The following SMOC2 variants were observed in gnomAD, a reference collection of about 807,000 sequenced individuals.
The protein encoded by SMOC2 is SPARC related modular calcium binding 2.
In SMOC2, 39 loss-of-function variants were observed where a neutral mutation model predicts 61.4. The ratio of observed to expected loss-of-function variants is 0.64; its 90% CI spans 0.49 to 0.83. The LOEUF is 0.83. Among genes scored for constraint, SMOC2 ranks in the 40% least tolerant of loss-of-function variants. The pLI is 0.00. For missense variants in SMOC2, 556 were observed against 592.9 expected, an observed-to-expected ratio of 0.94 and a Z score of 0.65; for synonymous variants, 247 against 239.9, an observed-to-expected ratio of 1.03 and a Z score of -0.27.
chr6:168,538,544 C>G (rs1368782503), intron 4 of SMOC2, among the ~76,000 whole-genome samples: 1 of 115,160 alleles, frequency 8.7e-6, no homozygotes, highest in East Asian at 2.7e-4. Context: ...GTGGGGTGAC[C>G]GCTGCTGGAA....
rs549443726 is a variant in SMOC2, at chr6:168,535,063, G to A, written c.463+7336G>A. Among the ~76,000 whole-genome samples the A allele has an allele frequency of 3.3e-5, 5 of 152,074 alleles. No individual in the cohort carries two copies. The highest frequency in any genetic ancestry group is 9.6e-5 in the African/African-American group (4 of 41,488). ...TCGGCTCACTGCAACCTCCGCCTCC[G>A]GGGTTCAAGCGATTCTCCTGCCTCT... is the stretch of plus-strand genomic sequence containing the variant. On this transcript the variant is annotated intron_variant, in intron 4 of 12. Coordinates refer to ENST00000356284, the MANE Select transcript of SMOC2 (RefSeq NM_001166412.2). This position sits in a 1 kb window ranked among gnomAD's most constrained non-coding sequence, Gnocchi z 4.6.
intron 1 of SMOC2, among the ~76,000 whole-genome samples, chr6:168,501,729 T>A (rs1415477062): frequency 6.6e-6 from 1 of 152,252 alleles, no homozygotes; most frequent in Non-Finnish European, 1.5e-5. Flanking sequence ...TGCTTTCCTC[T>A]GGGATCTCCG....
chr6:168,468,970 G>T (rs1364366378), intron 1 of SMOC2, among the ~76,000 whole-genome samples: 1 of 152,218 alleles, frequency 6.6e-6, no homozygotes, highest in East Asian at 1.9e-4. Flanking sequence ...GAAGCAGCAC[G>T]CATACAGACA....
rs1014917556 is a variant in SMOC2, at chr6:168,608,131, T to C, written c.825-26T>C. 3.8e-6 allele frequency: 6 copies of C among 1,594,404 alleles called. No individual in the cohort carries two copies. In the African/African-American group the frequency reaches 8.1e-5, roughly 22 times the overall value. On this transcript the variant is annotated intron_variant, in intron 8 of 12. Coordinates refer to ENST00000356284, the MANE Select transcript of SMOC2 (RefSeq NM_001166412.2). Reference sequence around the variant, plus strand: ...CTCAAGCCCGTTGTTTTCTCTCTCCTTCCCCCGCCTTCCCCCCGCCCATAG... The same window carrying C: ...CTCAAGCCCGTTGTTTTCTCTCTCCCTCCCCCGCCTTCCCCCCGCCCATAG...
chr6:168,624,493 G>A (rs958237019), intron 9 of SMOC2, among the ~76,000 whole-genome samples: 2 of 152,162 alleles, frequency 1.3e-5, no homozygotes, highest in Non-Finnish European at 2.9e-5. Context: ...ATGTAATGGA[G>A]CACAAAGACA....
chr6:168,607,063 C>T (rs1785712867), intron 8 of SMOC2, among the ~76,000 whole-genome samples: 1 of 152,070 alleles, frequency 6.6e-6, no homozygotes, highest in South Asian at 2.1e-4. Context: ...TGTGCTGACC[C>T]AGGAATCTCC....
chr6:168,607,691 A>T lies in SMOC2; in HGVS notation c.825-466A>T, dbSNP rs144884837. On this transcript the variant is annotated intron_variant, in intron 8 of 12. Coordinates refer to ENST00000356284, the MANE Select transcript of SMOC2 (RefSeq NM_001166412.2). ...GAATCTAAATCCTGAAGTCCTTTGC[A>T]TCCTTTCCTTGGGCGGGGTGGGGGT... Among the ~76,000 whole-genome samples, 1,016 of 151,762 alleles carry T rather than the reference A, an allele frequency of 6.7e-3. 14 individuals carry two copies. The highest frequency in any genetic ancestry group is 0.023 in the African/African-American group (965 of 41,332).
At chr6:168,497,474 G>A (rs533966426) in intron 1 of SMOC2, among the ~76,000 whole-genome samples, 35 of 151,370 alleles carry the variant, frequency 2.3e-4, no homozygotes, top group African/African-American at 8.4e-4. Context: ...TGGTGAATGC[G>A]GATGGAGGTG....
intron 1 of SMOC2, among the ~76,000 whole-genome samples, chr6:168,505,426 A>G (rs186319589): frequency 1.4e-4 from 21 of 151,558 alleles, no homozygotes; most frequent in African/African-American, 5.1e-4. Flanking sequence ...TCCATCTCTC[A>G]GATGCTGGAT....
intron 9 of SMOC2, among the ~76,000 whole-genome samples, chr6:168,637,631 C>T (rs139208438): frequency 7.2e-4 from 110 of 152,326 alleles, no homozygotes; most frequent in African/African-American, 2.6e-3. Flanking sequence ...TGCCGGCCTC[C>T]ACCAGGCTTG....
Position 168,531,180 on chromosome 6 carries a change from C to T in SMOC2, c.463+3453C>T, listed in dbSNP as rs149461852. ...AGTGATGGCCACACACGCAGGGCCA[C>T]GGTTGCTTGCATGCGGTGGAGAGCA... On this transcript the variant is annotated intron_variant, in intron 4 of 12. Coordinates refer to ENST00000356284, the MANE Select transcript of SMOC2 (RefSeq NM_001166412.2). Among the ~76,000 whole-genome samples the T allele has an allele frequency of 7.2e-4, 110 of 152,198 alleles. 2 individuals carry two copies. In the East Asian group the frequency reaches 0.019, roughly 27 times the overall value.
intron 1 of SMOC2, among the ~76,000 whole-genome samples, chr6:168,506,013 A>AT (rs59850975): frequency 0.47 from 69,980 of 147,722 alleles, 16,871 homozygotes; most frequent in African/African-American, 0.57. Context: ...GCTTTTGAGA[A>AT]TTTTTTTTTT....
intron 1 of SMOC2, among the ~76,000 whole-genome samples, chr6:168,502,179 C>T (rs866332980): frequency 6.6e-6 from 1 of 152,240 alleles, no homozygotes; most frequent in South Asian, 2.1e-4. Flanking sequence ...AGCAGGACCT[C>T]TGCTCCAAGG....
At chr6:168,603,357 G>T (rs55698224) in intron 8 of SMOC2, among the ~76,000 whole-genome samples, 55,690 of 150,232 alleles carry the variant, frequency 0.37, 10,743 homozygotes, top group Middle Eastern at 0.47. Flanking sequence ...ATGGGGAGCA[G>T]CTGGTGGAAG....
intron 9 of SMOC2, among the ~76,000 whole-genome samples, chr6:168,626,455 T>TTCTC (rs1181413360): frequency 2.0e-5 from 3 of 152,188 alleles, no homozygotes; most frequent in Non-Finnish European, 4.4e-5. Flanking sequence ...TCTCTATGTT[T>TTCTC]TATGAAGAAA....
intron 2 of SMOC2, among the ~76,000 whole-genome samples, chr6:168,514,900 G>A (rs1783095521): frequency 6.6e-6 from 1 of 152,184 alleles, no homozygotes; most frequent in Non-Finnish European, 1.5e-5. Flanking sequence ...ATCTCTCTGG[G>A]TGGAAGCTCG....
chr6:168,455,355 T>G (rs2114997409), intron 1 of SMOC2, among the ~76,000 whole-genome samples: 1 of 152,336 alleles, frequency 6.6e-6, no homozygotes, highest in South Asian at 2.1e-4. Context: ...AGTCGTGGTT[T>G]TCTCTAAGCA....
intron 1 of SMOC2, among the ~76,000 whole-genome samples, chr6:168,500,411 A>G (rs1782698682): frequency 6.6e-6 from 1 of 152,032 alleles, no homozygotes; most frequent in Non-Finnish European, 1.5e-5. Flanking sequence ...GGTGTTTTGT[A>G]CTTGGTGTTG....
At chr6:168,605,826 G>C (rs1487296722) in intron 8 of SMOC2, among the ~76,000 whole-genome samples, 2 of 151,988 alleles carry the variant, frequency 1.3e-5, no homozygotes, top group African/African-American at 4.8e-5. Context: ...AGCAGTCCAG[G>C]GCTCTAAGGA....
Sources: allele counts gnomAD v4.1 joint callset (sites outside exome capture counted in the v4.1 genomes callset), GRCh38; gene constraint gnomAD v4.1.1; non-coding constraint Gnocchi (gnomAD v3.1); transcripts MANE v1.5; gene names NCBI Gene and HGNC (gene_info 2026-07-23, HGNC 2026-07-21).